HS6ST3: variants seen among roughly 807,000 people sequenced by gnomAD.
HS6ST3 encodes the protein heparan sulfate 6-O-sulfotransferase 3.
HS6ST3 carries 12 observed loss-of-function variants against 36.7 expected under a neutral mutation model. The ratio of observed to expected loss-of-function variants is 0.33; its 90% CI spans 0.21 to 0.53. The LOEUF (loss-of-function observed/expected upper bound fraction) is 0.53. Ranked by LOEUF, HS6ST3 falls within the 20% of genes least tolerant of loss-of-function variation. HS6ST3 has a pLI of 0.95. For synonymous variants in HS6ST3, 240 were observed against 257.5 expected (o/e 0.93, Z 0.65); for missense variants, 584 against 640.9 (o/e 0.91, Z 0.96).
intron 1 of HS6ST3, among the ~76,000 whole-genome samples, chr13:96,423,755 C>T (rs1220444659): frequency 3.3e-5 from 5 of 152,004 alleles, no homozygotes; most frequent in African/African-American, 1.2e-4. Flanking sequence ...TGATGGTACA[C>T]TTCCTCTAAC....
At chr13:96,318,550 C>T (rs2139413547) in intron 1 of HS6ST3, among the ~76,000 whole-genome samples, 1 of 151,890 alleles carries the variant, frequency 6.6e-6, no homozygotes, top group Non-Finnish European at 1.5e-5. Context: ...CAAAACAAAA[C>T]AAAACAAAAC....
intron 1 of HS6ST3, among the ~76,000 whole-genome samples, chr13:96,236,521 G>A (rs1408541466): frequency 6.6e-6 from 1 of 151,718 alleles, no homozygotes; most frequent in Non-Finnish European, 1.5e-5. Flanking sequence ...AGACTCCATA[G>A]TTATCCCCCA....
At chr13:96,324,976 T>C (rs1281429810) in intron 1 of HS6ST3, among the ~76,000 whole-genome samples, 1 of 152,210 alleles carries the variant, frequency 6.6e-6, no homozygotes, top group Non-Finnish European at 1.5e-5. Context: ...GTATGTAGCT[T>C]GGGCATAACA....
At chr13:96,727,497 A>T (rs557995941) in intron 1 of HS6ST3, among the ~76,000 whole-genome samples, 1 of 152,188 alleles carries the variant, frequency 6.6e-6, no homozygotes, top group South Asian at 2.1e-4. Flanking sequence ...TTTCTCCTAC[A>T]ATCTGTTCTC....
chr13:96,407,579 C>T (rs1236700914), intron 1 of HS6ST3, among the ~76,000 whole-genome samples: 1 of 152,138 alleles, frequency 6.6e-6, no homozygotes. Flanking sequence ...AAATGTGTCC[C>T]TCAGTGAAGT....
At chr13:96,524,244 G>A (rs1378220126) in intron 1 of HS6ST3, among the ~76,000 whole-genome samples, 4 of 152,096 alleles carry the variant, frequency 2.6e-5, no homozygotes, top group Non-Finnish European at 5.9e-5. Context: ...CATCCCAGAG[G>A]AGCACCCACC....
chr13:96,387,407 G>T lies in HS6ST3; in HGVS notation c.707+295838G>T, dbSNP rs566157729. On this transcript the variant is annotated intron_variant, in intron 1 of 1. Coordinates refer to ENST00000376705, the MANE Select transcript of HS6ST3 (RefSeq NM_153456.4). ...ATTTAAACCCTTTCTCTATATACTG[G>T]ATTAGATGGTTGAGCCATAATGTTA... 4.6e-5 allele frequency among the ~76,000 whole-genome samples: 7 copies of T among 152,236 alleles called. 1 individual carries two copies. Among genetic ancestry groups the T allele is most frequent in the African/African-American group, 1.7e-4 (7 of 41,544 alleles).
chr13:96,194,264 C>A (rs1009128925), intron 1 of HS6ST3, among the ~76,000 whole-genome samples: 2 of 152,098 alleles, frequency 1.3e-5, no homozygotes, highest in Admixed American at 6.6e-5. Context: ...AACCTGATTG[C>A]CAGGAAGCTA....
In HS6ST3 at chr13:96,721,802, A is replaced by T. The variant is rs551797388; in HGVS notation, c.708-110688A>T. On this transcript the variant is annotated intron_variant, in intron 1 of 1. Coordinates refer to ENST00000376705, the MANE Select transcript of HS6ST3 (RefSeq NM_153456.4). ...CAGTTCCTGGAGCCAAGCTCATTAA[A>T]ATTACTGCAGTGAAACTTATGAATA... Among the ~76,000 whole-genome samples, 4 of 152,336 alleles carry T rather than the reference A, an allele frequency of 2.6e-5. No individual in the cohort carries two copies. In the South Asian group the frequency reaches 8.3e-4, roughly 32 times the overall value.
chr13:96,600,470 T>C (rs904966041), intron 1 of HS6ST3, among the ~76,000 whole-genome samples: 2 of 152,046 alleles, frequency 1.3e-5, no homozygotes, highest in Admixed American at 6.6e-5. Flanking sequence ...CTGTTTTATC[T>C]GATATAGGAG....
intron 1 of HS6ST3, among the ~76,000 whole-genome samples, chr13:96,304,714 T>TCTTTC (rs1555296788): frequency 1.6e-5 from 2 of 123,604 alleles, no homozygotes; most frequent in Admixed American, 8.0e-5. Context: ...TTTCTTTCTT[T>TCTTTC]TTTTTTTTTT....
intron 1 of HS6ST3, among the ~76,000 whole-genome samples, chr13:96,149,086 T>G (rs1255402382): frequency 1.3e-5 from 2 of 152,154 alleles, no homozygotes; most frequent in East Asian, 3.9e-4. Context: ...GGAAACAATG[T>G]GGTTGAAGGA....
intron 1 of HS6ST3, among the ~76,000 whole-genome samples, chr13:96,799,998 G>GTATATATATATGTATATATATATATGTA (rs1878024354): frequency 1.3e-5 from 1 of 75,312 alleles, no homozygotes; most frequent in Non-Finnish European, 2.4e-5. Context: ...ATATATATAT[G>GTATATATATATGTATATATATATATGTA]TATATATATA....
chr13:96,702,970 A>G (rs1875327485), intron 1 of HS6ST3, among the ~76,000 whole-genome samples: 1 of 152,264 alleles, frequency 6.6e-6, no homozygotes, highest in South Asian at 2.1e-4. Context: ...TTTATGCTCT[A>G]TAACTTTGGG....
intron 1 of HS6ST3, among the ~76,000 whole-genome samples, chr13:96,258,685 T>G (rs1490108521): frequency 6.6e-6 from 1 of 152,124 alleles, no homozygotes; most frequent in East Asian, 1.9e-4. Flanking sequence ...TGTTAGTATA[T>G]CCCCAACATC....
At chr13:96,572,029 G>T (rs1025877130) in intron 1 of HS6ST3, among the ~76,000 whole-genome samples, 1 of 152,206 alleles carries the variant, frequency 6.6e-6, no homozygotes, top group African/African-American at 2.4e-5. Context: ...TCTAGCCTAA[G>T]CCAGAAGACT....
At chr13:96,832,440 C>T (rs776065051) in intron 1 of HS6ST3, 50 bp from the exon 2 acceptor site, 2 of 1,349,726 alleles carry the variant, frequency 1.5e-6, no homozygotes, top group Non-Finnish European at 2.0e-6. Context: ...ATTTAGATAC[C>T]TCCTGTTAGA....
At position 96,689,606 on chromosome 13, in the gene HS6ST3, C is replaced by CTTTTTTTTTTTTTTTT. The variant is rs34000071; in HGVS notation, c.708-142883_708-142868dup. 5.5e-4 allele frequency among the ~76,000 whole-genome samples: 56 copies of CTTTTTTTTTTTTTTTT among 101,136 alleles called. 2 individuals are homozygous for CTTTTTTTTTTTTTTTT. The highest frequency in any genetic ancestry group is 7.5e-4 in the Non-Finnish European group (40 of 53,460). The allele number at this position is 101,136 out of a possible 152,430, so 66.3% of individuals were successfully genotyped here. A position where few individuals can be genotyped will look rare whatever the true frequency, so the allele number is the denominator to read the frequency against. On this transcript the variant is annotated intron_variant, in intron 1 of 1. Transcript: ENST00000376705. The stretch of plus-strand genomic sequence containing the variant: ...TTTGTAGTTTTTGCTTTCTTTCTTT[C>CTTTTTTTTTTTTTTTT]TTTTTTTTTTTTTTTTGGTGATTGT...
rs569959687 is a variant in HS6ST3, at chr13:96,635,934, A to G, written c.708-196556A>G. On this transcript the variant is annotated intron_variant, in intron 1 of 1. Coordinates refer to ENST00000376705, the MANE Select transcript of HS6ST3 (RefSeq NM_153456.4). Reference sequence around the variant, plus strand: ...AACTCAGCCTATGGGAATAAAGCAGAGGAAAGGATCAGAAAATTCTACTCC... The same window carrying G: ...AACTCAGCCTATGGGAATAAAGCAGGGGAAAGGATCAGAAAATTCTACTCC... 2.3e-4 allele frequency among the ~76,000 whole-genome samples: 35 copies of G among 152,312 alleles called. 2 individuals carry two copies. The highest frequency in any genetic ancestry group is 8.2e-4 in the African/African-American group (34 of 41,562).
Sources: gnomAD v4.1 joint callset for allele counts (sites outside exome capture counted in the v4.1 genomes callset) on GRCh38, gnomAD v4.1.1 for gene constraint, MANE v1.5 for transcripts, NCBI Gene and HGNC (gene_info 2026-07-23, HGNC 2026-07-21) for gene names.